FHIT: variants seen among roughly 807,000 people sequenced by gnomAD.
FHIT encodes the protein bis(5'-adenosyl)-triphosphatase.
In FHIT, 19 loss-of-function variants were observed where a neutral mutation model predicts 17.9. That is an observed-to-expected ratio of 1.06 (90% CI 0.74 to 1.56). The LOEUF is 1.56. Among genes scored for constraint, FHIT ranks in the 40% most tolerant of loss-of-function variants. FHIT has a pLI of 0.00. For synonymous variants in FHIT, 81 were observed against 69.7 expected, an observed-to-expected ratio of 1.16 and a Z score of -0.81; for missense variants, 248 against 189.2, an observed-to-expected ratio of 1.31 and a Z score of -1.82.
At chr3:61,059,100 T>C (rs1045774818) in intron 2 of FHIT, among the ~76,000 whole-genome samples, 5 of 152,206 alleles carry the variant, frequency 3.3e-5, no homozygotes, top group Admixed American at 2.6e-4. Context: ...CACTCCCAAC[T>C]AAGCATTTCC....
chr3:60,971,635 C>T (rs889689125), intron 3 of FHIT, among the ~76,000 whole-genome samples: 6 of 151,872 alleles, frequency 4.0e-5, no homozygotes, highest in African/African-American at 1.5e-4. Flanking sequence ...AAATAAAATG[C>T]TTCCTAGCTG....
rs553204995 is a variant in FHIT at position 61,180,110 on chromosome 3, GTCTTGTTAAAACC to G, written c.-164+20494_-164+20506del. Among the ~76,000 whole-genome samples the G allele has an allele frequency of 8.5e-3, 1,298 of 152,272 alleles. 13 individuals are homozygous for G. The highest frequency in any genetic ancestry group is 0.014 in the Non-Finnish European group (985 of 68,022). On this transcript the variant is annotated intron_variant, in intron 2 of 9. Transcript: ENST00000492590. Reference sequence around the variant, plus strand: ...TTTACAAACTATTGAGCTACTGACAGTCTTGTTAAAACCTCTTAGCGTGCCTTTCCCTCACGGC... The same window carrying G: ...TTTACAAACTATTGAGCTACTGACAGTCTTAGCGTGCCTTTCCCTCACGGC...
At chr3:61,239,199 T>C (rs974313204) in intron 1 of FHIT, among the ~76,000 whole-genome samples, 1 of 152,074 alleles carries the variant, frequency 6.6e-6, no homozygotes, top group Non-Finnish European at 1.5e-5. Context: ...AATACTGAGA[T>C]CCAGGGACAG....
intron 3 of FHIT, among the ~76,000 whole-genome samples, chr3:60,823,765 G>A (rs1553740080): frequency 6.6e-6 from 1 of 152,122 alleles, no homozygotes; most frequent in East Asian, 1.9e-4. Flanking sequence ...GTGTGTTTGG[G>A]GAGATTGTTG....
chr3:60,321,729 G>A (rs141648203), intron 5 of FHIT, among the ~76,000 whole-genome samples: 80 of 152,306 alleles, frequency 5.3e-4, no homozygotes, highest in African/African-American at 1.9e-3. Flanking sequence ...ATAAATAATA[G>A]AAATTTATTT....
At chr3:61,150,441 G>A (rs1441390819) in intron 2 of FHIT, among the ~76,000 whole-genome samples, 1 of 151,968 alleles carries the variant, frequency 6.6e-6, no homozygotes, top group African/African-American at 2.4e-5. Flanking sequence ...AAAGTGCTAG[G>A]ATTACAGGTG....
chr3:61,018,198 G>A (rs2032219263), intron 3 of FHIT, among the ~76,000 whole-genome samples: 1 of 152,152 alleles, frequency 6.6e-6, no homozygotes, highest in Non-Finnish European at 1.5e-5. Context: ...CACCCACCTA[G>A]TAAGTGATGG....
At chr3:60,467,797 T>A (rs577651859) in intron 5 of FHIT, among the ~76,000 whole-genome samples, 22 of 152,222 alleles carry the variant, frequency 1.4e-4, no homozygotes, top group African/African-American at 5.3e-4. Context: ...AGCCATTGGA[T>A]AAAATGTTCT....
At chr3:60,488,529 C>G (rs1398947139) in intron 5 of FHIT, among the ~76,000 whole-genome samples, 1 of 152,084 alleles carries the variant, frequency 6.6e-6, no homozygotes, top group Non-Finnish European at 1.5e-5. Context: ...TCTTGAGGAT[C>G]TAGACATTGG....
At chr3:60,081,672 G>A (rs1244575082) in intron 5 of FHIT, among the ~76,000 whole-genome samples, 1 of 152,098 alleles carries the variant, frequency 6.6e-6, no homozygotes, top group Non-Finnish European at 1.5e-5. Context: ...TAATTATGCT[G>A]CGGTTTATTA....
At chr3:60,343,430 A>G (rs925051361) in intron 5 of FHIT, among the ~76,000 whole-genome samples, 2 of 152,196 alleles carry the variant, frequency 1.3e-5, no homozygotes, top group Admixed American at 6.5e-5. Context: ...AGTATAGCTC[A>G]TATCTATTCA....
At chr3:60,399,466 G>A (rs1388643954) in intron 5 of FHIT, among the ~76,000 whole-genome samples, 2 of 152,220 alleles carry the variant, frequency 1.3e-5, no homozygotes, top group Non-Finnish European at 2.9e-5. Flanking sequence ...GAAGCGGACT[G>A]CAATCTGATC....
chr3:60,646,798 T>A (rs1479871697), intron 4 of FHIT, among the ~76,000 whole-genome samples: 1 of 152,200 alleles, frequency 6.6e-6, no homozygotes, highest in African/African-American at 2.4e-5. Flanking sequence ...TAACTGATTA[T>A]TTCACTGTCT....
intron 5 of FHIT, among the ~76,000 whole-genome samples, chr3:60,440,756 C>T (rs758387351): frequency 2.6e-5 from 4 of 152,008 alleles, no homozygotes; most frequent in Non-Finnish European, 5.9e-5. Flanking sequence ...CAATAAATCT[C>T]TGGAATCTGT....
chr3:59,974,116 C>G (rs1708305382), intron 7 of FHIT, among the ~76,000 whole-genome samples: 1 of 152,118 alleles, frequency 6.6e-6, no homozygotes, highest in South Asian at 2.1e-4. Flanking sequence ...GCAATCTATA[C>G]TGGCCATAAA....
chr3:60,477,971 G>T (rs896574996), intron 5 of FHIT, among the ~76,000 whole-genome samples: 1 of 152,160 alleles, frequency 6.6e-6, no homozygotes, highest in African/African-American at 2.4e-5. Flanking sequence ...ATACCATAGA[G>T]AAGCGTGGAG....
At chr3:60,321,480 A>C (rs574301095) in intron 5 of FHIT, among the ~76,000 whole-genome samples, 1 of 145,964 alleles carries the variant, frequency 6.9e-6, no homozygotes, top group African/African-American at 2.6e-5. Flanking sequence ...GTCTCAAAAA[A>C]CCAAAAAAAA....
At chr3:59,831,395 A>G (rs1292103383) in intron 8 of FHIT, among the ~76,000 whole-genome samples, 1 of 152,086 alleles carries the variant, frequency 6.6e-6, no homozygotes, top group Non-Finnish European at 1.5e-5. Context: ...GCAACTATTG[A>G]GACTATTATC....
At chr3:59,754,820 C>T (rs925213495) in intron 8 of FHIT, among the ~76,000 whole-genome samples, 3 of 152,156 alleles carry the variant, frequency 2.0e-5, no homozygotes, top group East Asian at 3.8e-4. Flanking sequence ...TCTGTTGTAC[C>T]TAGCTTTTAA....
Sources: gnomAD v4.1 joint callset for allele counts (sites outside exome capture counted in the v4.1 genomes callset) on GRCh38, gnomAD v4.1.1 for gene constraint, MANE v1.5 for transcripts, NCBI Gene and HGNC (gene_info 2026-07-23, HGNC 2026-07-21) for gene names.